PARG: variants seen among roughly 807,000 people sequenced by gnomAD.
PARG encodes poly(ADP-ribose) glycohydrolase, also known as mitochondrial poly(ADP-ribose) glycohydrolase.
In PARG, 35 loss-of-function variants were observed where a neutral mutation model predicts 113.0. The ratio of observed to expected loss-of-function variants is 0.31; its 90% confidence interval spans 0.24 to 0.41. PARG has a LOEUF of 0.41. Among genes scored for constraint, PARG ranks in the 10% least tolerant of loss-of-function variants. The pLI is 1.00. For synonymous variants in PARG, 330 were observed against 409.9 expected (o/e 0.81, Z 2.36); for missense variants, 797 against 1,169.4 (o/e 0.68, Z 4.64).
chr10:49,874,881 G>GAT (rs1338081612), intron 9 of PARG, among the ~76,000 whole-genome samples: 3 of 119,176 alleles, frequency 2.5e-5, no homozygotes, highest in Admixed American at 8.0e-5. Context: ...AAACAAAAAA[G>GAT]ATATATATAT....
intron 10 of PARG, among the ~76,000 whole-genome samples, chr10:49,867,932 A>G (rs1554837208): frequency 6.6e-6 from 1 of 152,194 alleles, no homozygotes; most frequent in East Asian, 1.9e-4. Flanking sequence ...TAAAAACAAA[A>G]CAAAAAAAAC....
At chr10:49,840,157 C>T (rs1206094339) in intron 15 of PARG, among the ~76,000 whole-genome samples, 3 of 151,950 alleles carry the variant, frequency 2.0e-5, no homozygotes, top group Non-Finnish European at 4.4e-5. Context: ...GGGAGGCCGA[C>T]GGGGAGGAGA....
chr10:49,923,372 A>G (rs2132908002), intron 4 of PARG, among the ~76,000 whole-genome samples: 1 of 152,190 alleles, frequency 6.6e-6, no homozygotes, highest in Admixed American at 6.5e-5. Flanking sequence ...TAGATCCCAA[A>G]CTTCCTGAAA....
intron 6 of PARG, among the ~76,000 whole-genome samples, chr10:49,919,003 T>G (rs1413016462): frequency 6.6e-6 from 1 of 152,224 alleles, no homozygotes; most frequent in East Asian, 1.9e-4. Context: ...TGCAGTGGCA[T>G]GATCTCGGCT....
intron 8 of PARG, among the ~76,000 whole-genome samples, chr10:49,882,006 A>C (rs1847240625): frequency 6.6e-6 from 1 of 152,220 alleles, no homozygotes; most frequent in East Asian, 1.9e-4. Flanking sequence ...GTTTTTAACT[A>C]CCATTTACCA....
chr10:49,920,463 A>AAAAAAAAAAAAAAT (rs1431747248), intron 6 of PARG, among the ~76,000 whole-genome samples: 12 of 47,986 alleles, frequency 2.5e-4, no homozygotes, highest in Non-Finnish European at 3.4e-4. Context: ...AAAAAAAAAA[A>AAAAAAAAAAAAAAT]ATATATATAT....
rs200993893 is a variant in PARG, at chr10:49,848,920, A to C, written c.2354-5288T>G. On this transcript the variant is annotated intron_variant, in intron 13 of 17. Transcript: ENST00000616448. The stretch of plus-strand genomic sequence containing the variant: ...ATGAATAAACAGAGACATACATCCT[A>C]GACATGTGTCAAAGACAAAACATTG... Among the ~76,000 whole-genome samples, 1,250 of 151,974 alleles carry C rather than the reference A, an allele frequency of 8.2e-3. 50 individuals are homozygous for C. The East Asian group carries it at 0.12, about 15-fold the overall frequency.
intron 7 of PARG, among the ~76,000 whole-genome samples, chr10:49,888,121 C>A (rs1847586919): frequency 6.6e-6 from 1 of 152,056 alleles, no homozygotes; most frequent in South Asian, 2.1e-4. Context: ...TTCACCAGTT[C>A]CAGTGAAGTG....
At chr10:49,932,001 A>C (rs1838511268) in intron 4 of PARG, 99 bp downstream of exon 4, 1 of 715,492 alleles carries the variant, frequency 1.4e-6, no homozygotes, top group Non-Finnish European at 2.4e-6. Flanking sequence ...CAGAAAACAG[A>C]AGAACTTTCT....
rs2664465 is a variant in PARG at position 49,907,667 on chromosome 10, T to C, written c.1737+8250A>G. On this transcript the variant is annotated intron_variant, in intron 7 of 17. Coordinates refer to ENST00000616448, the MANE Select transcript of PARG (RefSeq NM_003631.5). Reference sequence around the variant, plus strand: ...GTTCAAAGCATACTCAAAAGGACTATAGAATTTATTTTTATGAGTAGGAAC... The same window carrying C: ...GTTCAAAGCATACTCAAAAGGACTACAGAATTTATTTTTATGAGTAGGAAC... Among the ~76,000 whole-genome samples the C allele has an allele frequency of 4.0e-3, 614 of 152,314 alleles. 4 individuals are homozygous for C. Among genetic ancestry groups the C allele is most frequent in the African/African-American group, 0.014 (591 of 41,570 alleles).
chr10:49,849,135 C>T (rs1321639974), intron 13 of PARG, among the ~76,000 whole-genome samples: 7 of 151,508 alleles, frequency 4.6e-5, no homozygotes, highest in South Asian at 4.2e-4. Context: ...GCAGAGGTTG[C>T]GGTAAGCTGA....
chr10:49,841,321 A>G (rs782268834), intron 15 of PARG, among the ~76,000 whole-genome samples: 25 of 152,326 alleles, frequency 1.6e-4, no homozygotes, highest in Middle Eastern at 3.4e-3. Flanking sequence ...ACTAAAAAGA[A>G]AATCTCTGCT....
chr10:49,867,023 G>A (rs1305538204), intron 10 of PARG: 1 of 78,792 alleles, frequency 1.3e-5, no homozygotes, highest in Non-Finnish European at 3.2e-5. Context: ...GTTTTTTCAC[G>A]TTACATTTCC....
intron 7 of PARG, among the ~76,000 whole-genome samples, chr10:49,891,993 T>TA (rs1412296159): frequency 6.6e-5 from 10 of 151,034 alleles, no homozygotes; most frequent in South Asian, 2.1e-4. Context: ...AATGCTTCTT[T>TA]AAAAAAAAAT....
At chr10:49,831,844 G>A (rs1358147676) in intron 16 of PARG, among the ~76,000 whole-genome samples, 5 of 152,172 alleles carry the variant, frequency 3.3e-5, no homozygotes, top group Non-Finnish European at 7.3e-5. Flanking sequence ...GGAACCTGAG[G>A]TGGGGACATG....
At chr10:49,925,218 T>G (rs1838091498) in intron 4 of PARG, among the ~76,000 whole-genome samples, 1 of 151,906 alleles carries the variant, frequency 6.6e-6, no homozygotes, top group African/African-American at 2.4e-5. Flanking sequence ...CCCTTCCCTT[T>G]CCAGGTCTTC....
At chr10:49,823,174 G>A (rs184672614) in intron 16 of PARG, among the ~76,000 whole-genome samples, 10 of 151,876 alleles carry the variant, frequency 6.6e-5, no homozygotes, top group Admixed American at 6.6e-4. Context: ...AGGAAAGAGG[G>A]CATAGTATAT....
At chr10:49,866,212 A>T (rs1435207211) in intron 10 of PARG, among the ~76,000 whole-genome samples, 1 of 152,156 alleles carries the variant, frequency 6.6e-6, no homozygotes, top group African/African-American at 2.4e-5. Context: ...CAAATCAAAG[A>T]ACAAACTAAA....
At chr10:49,916,953 A>T (rs1385530997) in intron 6 of PARG, among the ~76,000 whole-genome samples, 2 of 152,246 alleles carry the variant, frequency 1.3e-5, no homozygotes, top group East Asian at 3.9e-4. Flanking sequence ...TTAAAAAATT[A>T]ATACTCTGTC....
Sources: gnomAD v4.1 joint callset for allele counts (sites outside exome capture counted in the v4.1 genomes callset) on GRCh38, gnomAD v4.1.1 for gene constraint, MANE v1.5 for transcripts, NCBI Gene and HGNC (gene_info 2026-07-23, HGNC 2026-07-21) for gene names.